The following CDC73 variants were observed in gnomAD, a reference collection of about 807,000 sequenced individuals.
The protein encoded by CDC73 is cell division cycle 73.
In CDC73, 21 loss-of-function variants were observed where a neutral mutation model predicts 83.7. That is an observed-to-expected ratio of 0.25 (90% CI 0.18 to 0.36). The LOEUF (loss-of-function observed/expected upper bound fraction) is 0.36, where lower values mean the gene tolerates loss of function less well. Among genes scored for constraint, CDC73 ranks in the 10% least tolerant of loss-of-function variants. CDC73 has a pLI of 1.00. For missense variants in CDC73, 342 were observed against 653.3 expected, an observed-to-expected ratio of 0.52 and a Z score of 5.19; for synonymous variants, 224 against 212.9, an observed-to-expected ratio of 1.05 and a Z score of -0.45.
intron 2 of CDC73, among the ~76,000 whole-genome samples, chr1:193,126,578 C>G (rs1265774107): frequency 7.9e-5 from 12 of 152,056 alleles, no homozygotes. Flanking sequence ...TTTAAATGAG[C>G]TTTTCCCTCA....
chr1:193,133,306 T>C (rs1403724673), intron 3 of CDC73, among the ~76,000 whole-genome samples: 4 of 152,330 alleles, frequency 2.6e-5, no homozygotes, highest in Non-Finnish European at 2.9e-5. Context: ...TAAGACCGTA[T>C]TCTTAGGAAG....
chr1:193,214,978 G>A (rs192972516), intron 13 of CDC73, among the ~76,000 whole-genome samples: 194 of 152,282 alleles, frequency 1.3e-3, no homozygotes, highest in African/African-American at 3.0e-3. Flanking sequence ...TATACAACAC[G>A]CCCAACCTTC....
At chr1:193,239,471 A>G (rs1677820519) in intron 15 of CDC73, among the ~76,000 whole-genome samples, 1 of 152,214 alleles carries the variant, frequency 6.6e-6, no homozygotes, top group Non-Finnish European at 1.5e-5. Flanking sequence ...TTGAGAGAAG[A>G]TTAAATACTG....
At chr1:193,134,871 A>C (rs1675762329) in intron 3 of CDC73, among the ~76,000 whole-genome samples, 1 of 152,206 alleles carries the variant, frequency 6.6e-6, no homozygotes, top group African/African-American at 2.4e-5. Flanking sequence ...TTGGCTGCAT[A>C]GGGTGGTGGG....
chr1:193,209,102 T>A (rs555648902), intron 11 of CDC73, among the ~76,000 whole-genome samples: 2 of 152,386 alleles, frequency 1.3e-5, no homozygotes, highest in East Asian at 3.9e-4. Flanking sequence ...GAATTACTTC[T>A]GTTTTATTTG....
At chr1:193,191,974 A>G (rs909278098) in intron 10 of CDC73, among the ~76,000 whole-genome samples, 2 of 152,228 alleles carry the variant, frequency 1.3e-5, no homozygotes, top group Non-Finnish European at 2.9e-5. Context: ...ATTTAAAATT[A>G]TTAACACTAT....
chr1:193,186,972 A>G (rs1483006068), intron 10 of CDC73, among the ~76,000 whole-genome samples: 1 of 151,714 alleles, frequency 6.6e-6, no homozygotes, highest in Non-Finnish European at 1.5e-5. Context: ...AAGTTGGTGT[A>G]ATTTAACCCC....
chr1:193,137,135 A>G (rs1367829926), intron 5 of CDC73, among the ~76,000 whole-genome samples: 1 of 152,260 alleles, frequency 6.6e-6, no homozygotes, highest in Non-Finnish European at 1.5e-5. Flanking sequence ...TGATTTGATA[A>G]AAATCTAGGC....
At chr1:193,170,483 C>T (rs527396313) in intron 10 of CDC73, among the ~76,000 whole-genome samples, 1 of 152,168 alleles carries the variant, frequency 6.6e-6, no homozygotes, top group African/African-American at 2.4e-5. Context: ...TTCTGACTGG[C>T]GTGAGATGGT....
intron 10 of CDC73, among the ~76,000 whole-genome samples, chr1:193,201,022 C>T (rs887126944): frequency 2.6e-5 from 4 of 151,954 alleles, no homozygotes; most frequent in Non-Finnish European, 5.9e-5. Context: ...CCAAGAAGGT[C>T]ATATTCTACT....
intron 11 of CDC73, among the ~76,000 whole-genome samples, chr1:193,204,279 A>AGTGTG (rs1677147268): frequency 3.5e-5 from 1 of 28,208 alleles, no homozygotes; most frequent in African/African-American, 7.7e-5. Flanking sequence ...GTGTGTGTGT[A>AGTGTG]TATATATATT....
chr1:193,224,985 G>T (rs1157056266), intron 13 of CDC73, among the ~76,000 whole-genome samples: 1 of 151,864 alleles, frequency 6.6e-6, no homozygotes, highest in East Asian at 1.9e-4. Context: ...CCCATCACCC[G>T]AACCGTATAT....
chr1:193,151,813 A>G (rs1401660618), intron 9 of CDC73, among the ~76,000 whole-genome samples: 2 of 151,932 alleles, frequency 1.3e-5, no homozygotes, highest in Non-Finnish European at 2.9e-5. Flanking sequence ...GGTCCTAGCT[A>G]CTCGGGAGGC....
At position 193,249,724 on chromosome 1, in the gene CDC73, C is replaced by A; in HGVS notation, c.1418-6C>A. ...AAATGATAACTTCTCTCCACCCTCTCTATAGTTAAAGCCTTCCATCTGAAG... is the reference window on the plus strand; with the variant it reads ...AAATGATAACTTCTCTCCACCCTCTATATAGTTAAAGCCTTCCATCTGAAG... On this transcript the variant is annotated splice_polypyrimidine_tract_variant and splice_region_variant and intron_variant, in intron 15 of 16. Transcript: ENST00000367435. 1 of 1,604,868 alleles carries A rather than the reference C, an allele frequency of 6.2e-7. No homozygotes were observed. The highest frequency in any genetic ancestry group is 1.1e-5 in the South Asian group (1 of 90,892).
At chr1:193,136,232 C>CATAGACAA in intron 5 of CDC73, among the ~76,000 whole-genome samples, 1 of 152,084 alleles carries the variant, frequency 6.6e-6, no homozygotes, top group Non-Finnish European at 1.5e-5. Context: ...GGCTATGTTT[C>CATAGACAA]TATAAAAAAC....
chr1:193,134,760 G>A (rs1675759942), intron 3 of CDC73, among the ~76,000 whole-genome samples: 1 of 152,102 alleles, frequency 6.6e-6, no homozygotes, highest in African/African-American at 2.4e-5. Flanking sequence ...GTTCAGAACA[G>A]TATGTTTAGT....
intron 2 of CDC73, among the ~76,000 whole-genome samples, chr1:193,129,208 G>C (rs12128125): frequency 0.044 from 6,612 of 151,970 alleles, 140 homozygotes; most frequent in African/African-American, 0.051. Flanking sequence ...ATCTTGCTCA[G>C]GCTGGTCTTG....
At chr1:193,155,594 A>C (rs577579565) in intron 10 of CDC73, among the ~76,000 whole-genome samples, 3 of 152,168 alleles carry the variant, frequency 2.0e-5, no homozygotes, top group African/African-American at 7.2e-5. Flanking sequence ...CTCGGTTAAC[A>C]TGGCAAAACC....
At chr1:193,206,783 A>G (rs1677196049) in intron 11 of CDC73, among the ~76,000 whole-genome samples, 1 of 152,206 alleles carries the variant, frequency 6.6e-6, no homozygotes, top group South Asian at 2.1e-4. Flanking sequence ...TTGAGCATTC[A>G]CAAATTTTTA....
Sources: allele counts gnomAD v4.1 joint callset (sites outside exome capture counted in the v4.1 genomes callset), GRCh38; gene constraint gnomAD v4.1.1; transcripts MANE v1.5; gene names NCBI Gene and HGNC (gene_info 2026-07-23, HGNC 2026-07-21).